The following NTNG1 variants were observed in gnomAD, a reference collection of about 807,000 sequenced individuals.
The protein encoded by NTNG1 is netrin G1, also known as netrin-G1.
Under a neutral mutation model 54.0 loss-of-function variants are expected in NTNG1, and 16 were observed. The ratio of observed to expected loss-of-function variants is 0.30; its 90% CI spans 0.20 to 0.45. The LOEUF (loss-of-function observed/expected upper bound fraction) is 0.45, where lower values mean the gene tolerates loss of function less well. NTNG1 is among the 20% of genes least tolerant of loss of function. The pLI is 1.00. For synonymous variants in NTNG1, 255 were observed against 263.1 expected, an observed-to-expected ratio of 0.97 and a Z score of 0.30; for missense variants, 530 against 678.7, an observed-to-expected ratio of 0.78 and a Z score of 2.43.
chr1:107,468,763 G>T (rs1677765140), intron 7 of NTNG1, among the ~76,000 whole-genome samples: 1 of 152,164 alleles, frequency 6.6e-6, no homozygotes, highest in African/African-American at 2.4e-5. Context: ...TGCTAGCAAT[G>T]CCCAGATTAT....
At chr1:107,172,911 A>G (rs530823365) in intron 2 of NTNG1, among the ~76,000 whole-genome samples, 71 of 152,302 alleles carry the variant, frequency 4.7e-4, no homozygotes, top group African/African-American at 1.5e-3. Flanking sequence ...TAATTTGGCA[A>G]TGTCCTTCTG....
intron 3 of NTNG1, among the ~76,000 whole-genome samples, chr1:107,353,065 T>A (rs1669722984): frequency 6.6e-6 from 1 of 152,258 alleles, no homozygotes; most frequent in South Asian, 2.1e-4. Flanking sequence ...TTCAAGGCTG[T>A]TCCCCCATTG....
chr1:107,180,613 A>C (rs933077523), intron 2 of NTNG1, among the ~76,000 whole-genome samples: 2 of 152,176 alleles, frequency 1.3e-5, no homozygotes, highest in Non-Finnish European at 2.9e-5. Context: ...ACTAAATAAA[A>C]ATGTTCTCTA....
intron 7 of NTNG1, among the ~76,000 whole-genome samples, chr1:107,476,069 A>C (rs1158999217): frequency 6.6e-6 from 1 of 152,214 alleles, no homozygotes; most frequent in Non-Finnish European, 1.5e-5. Context: ...TTTATTTTGC[A>C]TATTTCATTT....
intron 3 of NTNG1, among the ~76,000 whole-genome samples, chr1:107,333,060 A>G (rs144999960): frequency 1.3e-5 from 2 of 152,202 alleles, no homozygotes; most frequent in East Asian, 1.9e-4. Flanking sequence ...CTACTGGTCC[A>G]GAAGATTATA....
intron 4 of NTNG1, among the ~76,000 whole-genome samples, chr1:107,402,799 T>G (rs868653309): frequency 6.6e-6 from 1 of 152,164 alleles, no homozygotes; most frequent in South Asian, 2.1e-4. Context: ...CTTGAAGAAG[T>G]TTTTTTGGAG....
chr1:107,442,525 A>G (rs1479223578), intron 7 of NTNG1, among the ~76,000 whole-genome samples: 1 of 152,188 alleles, frequency 6.6e-6, no homozygotes, highest in Non-Finnish European at 1.5e-5. Flanking sequence ...TTTAGGCTAA[A>G]TAATTTGCAA....
At chr1:107,331,851 C>G (rs1371352748) in intron 3 of NTNG1, among the ~76,000 whole-genome samples, 2 of 151,930 alleles carry the variant, frequency 1.3e-5, no homozygotes, top group South Asian at 2.1e-4. Context: ...ATCAATGATT[C>G]TCTCCACCAG....
At chr1:107,413,567 C>T (rs1347557214) in intron 5 of NTNG1, among the ~76,000 whole-genome samples, 1 of 151,932 alleles carries the variant, frequency 6.6e-6, no homozygotes, top group African/African-American at 2.4e-5. Context: ...TCCTCATATG[C>T]CAGGGAAGAA....
At chr1:107,373,570 C>CTT (rs572377349) in intron 3 of NTNG1, among the ~76,000 whole-genome samples, 5 of 136,096 alleles carry the variant, frequency 3.7e-5, no homozygotes, top group Middle Eastern at 3.6e-3. Flanking sequence ...GTATGTTATC[C>CTT]TTTTTTTTTT....
At chr1:107,249,356 C>T (rs77349911) in intron 2 of NTNG1, among the ~76,000 whole-genome samples, 1 of 151,804 alleles carries the variant, frequency 6.6e-6, no homozygotes, top group Non-Finnish European at 1.5e-5. Context: ...GTGGCGCATG[C>T]CTGTAATCCC....
intron 2 of NTNG1, among the ~76,000 whole-genome samples, chr1:107,232,398 T>C (rs966844887): frequency 3.3e-5 from 5 of 152,234 alleles, no homozygotes; most frequent in Non-Finnish European, 7.3e-5. Flanking sequence ...ACTCTGGGTC[T>C]TGTGCCTTCC....
intron 3 of NTNG1, among the ~76,000 whole-genome samples, chr1:107,378,157 AT>A (rs1420437764): frequency 1.3e-5 from 2 of 152,234 alleles, no homozygotes; most frequent in Non-Finnish European, 2.9e-5. Context: ...GCTCAGAGAA[AT>A]TAGACAATAG....
intron 2 of NTNG1, among the ~76,000 whole-genome samples, chr1:107,154,353 C>A (rs976159554): frequency 6.6e-6 from 1 of 151,644 alleles, no homozygotes; most frequent in Non-Finnish European, 1.5e-5. Flanking sequence ...ACCTGTAATC[C>A]CAGCACTTTG....
intron 2 of NTNG1, among the ~76,000 whole-genome samples, chr1:107,245,857 A>C (rs761603444): frequency 1.3e-5 from 2 of 152,218 alleles, no homozygotes; most frequent in Non-Finnish European, 2.9e-5. Context: ...AAATTGTTCT[A>C]TTACATGTTA....
At chr1:107,449,301 G>T (rs182609986) in intron 7 of NTNG1, among the ~76,000 whole-genome samples, 89 of 152,062 alleles carry the variant, frequency 5.9e-4, no homozygotes, top group African/African-American at 2.0e-3. Flanking sequence ...AATAGTAATC[G>T]CTGGCCCCAC....
intron 3 of NTNG1, among the ~76,000 whole-genome samples, chr1:107,394,784 A>T (rs1388304689): frequency 6.6e-6 from 1 of 152,220 alleles, no homozygotes; most frequent in African/African-American, 2.4e-5. Context: ...AGCCCAGATG[A>T]AATTGTCATA....
At chr1:107,223,112 T>C (rs1163713206) in intron 2 of NTNG1, among the ~76,000 whole-genome samples, 3 of 152,154 alleles carry the variant, frequency 2.0e-5, no homozygotes, top group African/African-American at 7.2e-5. Context: ...TGGTGGAATA[T>C]GCATTTTGAC....
rs1665867706 is a variant in NTNG1, at chr1:107,295,192, T to C, written c.247-29090T>C. Reference sequence around the variant, plus strand: ...TAAAGTGGAGCCCAGTGGAGCAAATTATATCACTTGAATATTCCTGTAGGT... The same window carrying C: ...TAAAGTGGAGCCCAGTGGAGCAAATCATATCACTTGAATATTCCTGTAGGT... On this transcript the variant is annotated intron_variant, in intron 2 of 7. Transcript: ENST00000370068. Among the ~76,000 whole-genome samples, 7 of 152,204 alleles carry C rather than the reference T, an allele frequency of 4.6e-5. No individual in the cohort carries two copies. The South Asian group carries it at 1.2e-3, about 27-fold the overall frequency.
Sources: gnomAD v4.1 joint callset for allele counts (sites outside exome capture counted in the v4.1 genomes callset) on GRCh38, gnomAD v4.1.1 for gene constraint, MANE v1.5 for transcripts, NCBI Gene and HGNC (gene_info 2026-07-23, HGNC 2026-07-21) for gene names.